Variants in PRKG1 observed in about 807,000 individuals in gnomAD.
PRKG1 encodes protein kinase cGMP-dependent 1.
A neutral mutation model predicts 88.1 loss-of-function variants in PRKG1; 35 were observed. The observed-to-expected ratio is 0.40, with a 90% CI of 0.30 to 0.53. The LOEUF (loss-of-function observed/expected upper bound fraction) is 0.53, where lower values mean the gene tolerates loss of function less well. Ranked by LOEUF, PRKG1 falls within the 20% of genes least tolerant of loss-of-function variation. PRKG1 has a pLI of 0.59. For missense variants in PRKG1, 540 were observed against 839.8 expected (o/e 0.64, Z 4.41); for synonymous variants, 303 against 292.5 (o/e 1.04, Z -0.37).
chr10:51,594,419 A>G (rs546681819), intron 3 of PRKG1, among the ~76,000 whole-genome samples: 4 of 152,228 alleles, frequency 2.6e-5, no homozygotes, highest in Non-Finnish European at 5.9e-5. Context: ...TTGAATATAC[A>G]TAATAAATGG....
intron 2 of PRKG1, among the ~76,000 whole-genome samples, chr10:51,271,070 A>G (rs959858326): frequency 2.0e-5 from 3 of 152,202 alleles, no homozygotes; most frequent in Non-Finnish European, 4.4e-5. Context: ...GGATCATCCA[A>G]TAGCTTTAGG....
rs1307092479 is a variant in PRKG1, at chr10:52,069,052, A to G, written c.935+6421A>G. ...ATTCTGAGTACCTGTGCCACATGCC[A>G]GGCCCTGTTCATGTTAATGCAAAAA... On this transcript the variant is annotated intron_variant, in intron 7 of 17. Coordinates refer to ENST00000373980, the MANE Select transcript of PRKG1 (RefSeq NM_006258.4). Among the ~76,000 whole-genome samples, 3 of 140,582 alleles carry G rather than the reference A, an allele frequency of 2.1e-5. 1 individual carries two copies. Among genetic ancestry groups the G allele is most frequent in the African/African-American group, 7.4e-5 (3 of 40,602 alleles). 92.2% of individuals were successfully genotyped at this position (140,582 alleles called of 152,430 possible).
chr10:51,829,667 C>T (rs185028036), intron 4 of PRKG1, among the ~76,000 whole-genome samples: 25 of 152,272 alleles, frequency 1.6e-4, no homozygotes, highest in Admixed American at 3.9e-4. Flanking sequence ...TCTAAATACA[C>T]GTGAACACAC....
At chr10:51,681,686 CT>C (rs573119835) in intron 3 of PRKG1, among the ~76,000 whole-genome samples, 1 of 151,918 alleles carries the variant, frequency 6.6e-6, no homozygotes, top group African/African-American at 2.4e-5. Context: ...TTCATAAAAT[CT>C]TTTTTTAATA....
intron 2 of PRKG1, among the ~76,000 whole-genome samples, chr10:51,277,101 C>T (rs573261262): frequency 2.6e-5 from 4 of 152,242 alleles, no homozygotes; most frequent in South Asian, 4.2e-4. Context: ...TTAGGTCTAA[C>T]GTTTAAGTCT....
chr10:52,224,808 C>CATATATAT lies in PRKG1; in HGVS notation c.1077-26738_1077-26731dup, dbSNP rs71032630. ...TTTTTATGGCTGCATAGTATTCCAT[C>CATATATAT]ATATATATATATATATATATATATA... On this transcript the variant is annotated intron_variant, in intron 9 of 17. Coordinates refer to ENST00000373980, the MANE Select transcript of PRKG1 (RefSeq NM_006258.4). 1.0e-3 allele frequency among the ~76,000 whole-genome samples: 108 copies of CATATATAT among 106,342 alleles called. 3 individuals are homozygous for CATATATAT. Among genetic ancestry groups the CATATATAT allele is most frequent in the African/African-American group, 2.3e-3 (61 of 26,750 alleles). The allele number at this position is 106,342 out of a possible 152,430, so 69.8% of individuals were successfully genotyped here. A position where few individuals can be genotyped will look rare whatever the true frequency, so the allele number is the denominator to read the frequency against.
chr10:52,100,351 G>A (rs183265166), intron 7 of PRKG1, among the ~76,000 whole-genome samples: 5 of 152,322 alleles, frequency 3.3e-5, no homozygotes, highest in East Asian at 1.9e-4. Context: ...AATGGACTAC[G>A]TGGAGTTAGA....
intron 2 of PRKG1, among the ~76,000 whole-genome samples, chr10:51,164,591 A>T (rs1257258025): frequency 2.0e-5 from 3 of 152,230 alleles, no homozygotes; most frequent in Non-Finnish European, 4.4e-5. Context: ...CAGACAATCA[A>T]ACTACTCCGA....
intron 3 of PRKG1, among the ~76,000 whole-genome samples, chr10:51,537,807 T>A (rs1003599462): frequency 6.6e-6 from 1 of 151,974 alleles, no homozygotes; most frequent in Non-Finnish European, 1.5e-5. Flanking sequence ...GGGAGTATTC[T>A]TTAATTGTTC....
intron 7 of PRKG1, among the ~76,000 whole-genome samples, chr10:52,075,514 G>C (rs1846606730): frequency 6.6e-6 from 1 of 152,206 alleles, no homozygotes; most frequent in Non-Finnish European, 1.5e-5. Context: ...TAAAGCTGCA[G>C]TAGCCAAGGC....
chr10:51,184,896 T>C (rs1274670212), intron 2 of PRKG1, among the ~76,000 whole-genome samples: 5 of 152,158 alleles, frequency 3.3e-5, no homozygotes, highest in African/African-American at 9.7e-5. Context: ...CTGGCACTTA[T>C]ATCCCTTGGG....
chr10:51,812,666 C>A lies in PRKG1; in HGVS notation c.698+7976C>A, dbSNP rs61850003. Among the ~76,000 whole-genome samples, 14 of 152,048 alleles carry A rather than the reference C, an allele frequency of 9.2e-5. No individual in the cohort carries two copies. The East Asian group carries it at 2.7e-3, about 29-fold the overall frequency. ...AGCCACTGAGCTGGTCATCACTGATCGCTGGATAAAATCCACTTTTCATTT... is the reference window on the plus strand; with the variant it reads ...AGCCACTGAGCTGGTCATCACTGATAGCTGGATAAAATCCACTTTTCATTT... On this transcript the variant is annotated intron_variant, in intron 4 of 17. Transcript: ENST00000373980.
At chr10:52,111,985 C>G (rs1241952909) in intron 7 of PRKG1, among the ~76,000 whole-genome samples, 2 of 152,196 alleles carry the variant, frequency 1.3e-5, no homozygotes, top group African/African-American at 4.8e-5. Flanking sequence ...GCCTTCTATT[C>G]TCTGCCTGCT....
At chr10:52,292,818 A>G (rs1377775777) in intron 17 of PRKG1, among the ~76,000 whole-genome samples, 1 of 151,848 alleles carries the variant, frequency 6.6e-6, no homozygotes, top group East Asian at 1.9e-4. Flanking sequence ...TGAATGGGCA[A>G]AAACTGGAAG....
At chr10:52,158,229 A>G (rs949529190) in intron 8 of PRKG1, among the ~76,000 whole-genome samples, 3 of 151,698 alleles carry the variant, frequency 2.0e-5, no homozygotes, top group Non-Finnish European at 4.4e-5. Flanking sequence ...AAACTCATAA[A>G]TAATATTTTC....
chr10:51,792,177 C>G (rs1226208730), intron 3 of PRKG1, among the ~76,000 whole-genome samples: 1 of 151,968 alleles, frequency 6.6e-6, no homozygotes, highest in African/African-American at 2.4e-5. Flanking sequence ...GTGATCTTTA[C>G]TATTCTTGAT....
At chr10:51,909,808 A>C (rs1391667154) in intron 5 of PRKG1, 1 of 152,196 alleles carries the variant, frequency 6.6e-6, no homozygotes. Flanking sequence ...TTGGATTTTA[A>C]TTTAGGTGAA....
intron 2 of PRKG1, among the ~76,000 whole-genome samples, chr10:51,208,291 G>T (rs1483605521): frequency 2.0e-5 from 3 of 152,274 alleles, no homozygotes; most frequent in East Asian, 3.9e-4. Context: ...TGTGATACCG[G>T]TTATGTAATA....
intron 3 of PRKG1, among the ~76,000 whole-genome samples, chr10:51,606,710 T>C (rs1184777579): frequency 1.3e-5 from 2 of 152,212 alleles, no homozygotes; most frequent in African/African-American, 4.8e-5. Context: ...GGAGATGTTT[T>C]ATTTTGGTAA....
Sources: gnomAD v4.1 joint callset for allele counts (sites outside exome capture counted in the v4.1 genomes callset) on GRCh38, gnomAD v4.1.1 for gene constraint, MANE v1.5 for transcripts, NCBI Gene and HGNC (gene_info 2026-07-23, HGNC 2026-07-21) for gene names.